The following REV1 variants were observed in gnomAD, a reference collection of about 807,000 sequenced individuals.
REV1 encodes translesion synthesis protein REV1.
REV1 carries 42 observed loss-of-function variants against 137.4 expected under a neutral mutation model. The ratio of observed to expected loss-of-function variants is 0.31; its 90% confidence interval spans 0.24 to 0.40. REV1 has a LOEUF of 0.40. REV1 is among the 10% of genes least tolerant of loss of function. The pLI is 1.00. For synonymous variants in REV1, 524 were observed against 519.2 expected (o/e 1.01, Z -0.12); for missense variants, 1,282 against 1,490.1 (o/e 0.86, Z 2.30).
intron 1 of REV1, among the ~76,000 whole-genome samples, chr2:99,468,652 T>C (rs769896597): frequency 6.6e-6 from 1 of 152,212 alleles, no homozygotes; most frequent in Non-Finnish European, 1.5e-5. Flanking sequence ...TCTGAAACTG[T>C]GATTCACAAC....
At chr2:99,442,173 AC>A in intron 5 of REV1, 143 bp downstream of exon 5, 2 of 679,454 alleles carry the variant, frequency 2.9e-6, no homozygotes, top group Non-Finnish European at 4.6e-6. Context: ...AATCACTTGA[AC>A]CTGGGAGGCA....
chr2:99,446,602 C>T lies in REV1; in HGVS notation c.350+2734G>A, dbSNP rs184961587. On this transcript the variant is annotated intron_variant, in intron 4 of 22. Coordinates refer to ENST00000258428, the MANE Select transcript of REV1 (RefSeq NM_016316.4). ...CTCCACCTCCCAGGTTCAAGCAATTCTCCTGCCTCAGCCTCCTGAGTAGCT... is the reference window on the plus strand; with the variant it reads ...CTCCACCTCCCAGGTTCAAGCAATTTTCCTGCCTCAGCCTCCTGAGTAGCT... Among the ~76,000 whole-genome samples the T allele has an allele frequency of 9.8e-3, 1,484 of 152,188 alleles. 23 individuals are homozygous for T. The highest frequency in any genetic ancestry group is 0.034 in the African/African-American group (1,414 of 41,514).
chr2:99,479,326 CAAAA>C (rs60839666), intron 1 of REV1, among the ~76,000 whole-genome samples: 1 of 96,854 alleles, frequency 1.0e-5, no homozygotes, highest in Admixed American at 1.1e-4. Flanking sequence ...GACTCTGTCT[CAAAA>C]AAAAAAAAAA....
chr2:99,404,014 G>A (rs1162169285), intron 18 of REV1, among the ~76,000 whole-genome samples, 199 bp from the exon 19 acceptor site: 1 of 151,790 alleles, frequency 6.6e-6, no homozygotes, highest in Non-Finnish European at 1.5e-5. Flanking sequence ...CAAGAATAAG[G>A]AATTAAGAGT....
intron 8 of REV1, 51 bp downstream of exon 8, chr2:99,434,281 C>G: frequency 8.0e-7 from 1 of 1,247,948 alleles, no homozygotes; most frequent in South Asian, 1.5e-5. Context: ...ATAGCAAAAT[C>G]CAGAAGCCAT....
chr2:99,438,557 A>G, intron 6 of REV1, 44 bp downstream of exon 6: 1 of 1,442,004 alleles, frequency 6.9e-7, no homozygotes, highest in Non-Finnish European at 9.6e-7. Context: ...CAAAATGATC[A>G]AGCATGACTG....
intron 3 of REV1, among the ~76,000 whole-genome samples, chr2:99,456,328 G>A (rs1683536995): frequency 6.6e-6 from 1 of 152,226 alleles, no homozygotes; most frequent in Admixed American, 6.5e-5. Flanking sequence ...CCCCGTGATA[G>A]CACTTGTATT....
At chr2:99,447,998 G>T (rs1236015114) in intron 4 of REV1, among the ~76,000 whole-genome samples, 1 of 152,108 alleles carries the variant, frequency 6.6e-6, no homozygotes, top group Admixed American at 6.5e-5. Flanking sequence ...GCCCGGCCAA[G>T]CATAAAGTTT....
intron 1 of REV1, among the ~76,000 whole-genome samples, chr2:99,468,180 C>CA (rs61160561): frequency 1.2e-3 from 171 of 137,022 alleles, no homozygotes; most frequent in Middle Eastern, 4.1e-3. Context: ...AACTCCATCT[C>CA]AAAAAAAAAA....
chr2:99,424,146 C>T lies in REV1; in HGVS notation c.1676+6G>A. On this transcript the variant is annotated splice_donor_region_variant and intron_variant, in intron 10 of 22. Transcript: ENST00000258428. ...AGACACAAAATGACAGTTTGATACACTGTACCTTGCCAATGTTTCATACAA... is the reference window on the plus strand; with the variant it reads ...AGACACAAAATGACAGTTTGATACATTGTACCTTGCCAATGTTTCATACAA... The T allele has an allele frequency of 6.2e-7, 1 of 1,613,394 alleles. No homozygotes were observed. Among genetic ancestry groups the T allele is most frequent in the Non-Finnish European group, 8.5e-7 (1 of 1,179,666 alleles).
At chr2:99,417,310 T>G (rs1228386927) in intron 12 of REV1, among the ~76,000 whole-genome samples, 2 of 152,040 alleles carry the variant, frequency 1.3e-5, no homozygotes, top group African/African-American at 4.8e-5. Flanking sequence ...CCAGCTAATT[T>G]TTTTTGTAGT....
chr2:99,416,597 T>G (rs1443509802), intron 12 of REV1, among the ~76,000 whole-genome samples: 1 of 152,198 alleles, frequency 6.6e-6, no homozygotes, highest in Non-Finnish European at 1.5e-5. Flanking sequence ...GTGCCTCAGC[T>G]TGGCCAGGAC....
intron 11 of REV1, among the ~76,000 whole-genome samples, chr2:99,419,338 G>A (rs1678343509): frequency 6.7e-6 from 1 of 150,264 alleles, no homozygotes; most frequent in South Asian, 2.1e-4. Context: ...TCAGCCTCCC[G>A]AGTAGCTGGG....
At chr2:99,429,234 T>C (rs565023654) in intron 9 of REV1, among the ~76,000 whole-genome samples, 2 of 152,266 alleles carry the variant, frequency 1.3e-5, no homozygotes, top group South Asian at 4.1e-4. Flanking sequence ...GGAAGATATA[T>C]ATATATGAGT....
At chr2:99,434,603 T>A (rs2104769192) in intron 7 of REV1, among the ~76,000 whole-genome samples, 155 bp from the exon 8 acceptor site, 1 of 152,322 alleles carries the variant, frequency 6.6e-6, no homozygotes, top group Admixed American at 6.5e-5. Flanking sequence ...TTAAAGATTA[T>A]CAATCACCAT....
At chr2:99,431,016 C>A (rs1232815604) in intron 8 of REV1, among the ~76,000 whole-genome samples, 1 of 152,106 alleles carries the variant, frequency 6.6e-6, no homozygotes, top group Non-Finnish European at 1.5e-5. Flanking sequence ...AGAAACCCAG[C>A]ATTTCTCTTT....
At chr2:99,479,344 A>C (rs1414554740) in intron 1 of REV1, among the ~76,000 whole-genome samples, 5 of 144,836 alleles carry the variant, frequency 3.5e-5, no homozygotes, top group Non-Finnish European at 7.6e-5. Context: ...AAAAAAAAAA[A>C]CAAAAAGATT....
intron 1 of REV1, among the ~76,000 whole-genome samples, chr2:99,489,042 G>C (rs1313533066): frequency 6.6e-6 from 1 of 152,208 alleles, no homozygotes; most frequent in African/African-American, 2.4e-5. Flanking sequence ...TGTTATGTGA[G>C]ATTATTTCTT....
intron 12 of REV1, among the ~76,000 whole-genome samples, chr2:99,415,777 T>C (rs1012915827): frequency 6.6e-6 from 1 of 152,236 alleles, no homozygotes; most frequent in African/African-American, 2.4e-5. Context: ...AGGGAATCCA[T>C]ATGCTAGATG....
Sources: allele counts gnomAD v4.1 joint callset (sites outside exome capture counted in the v4.1 genomes callset), GRCh38; gene constraint gnomAD v4.1.1; transcripts MANE v1.5; gene names NCBI Gene and HGNC (gene_info 2026-07-23, HGNC 2026-07-21).